Variants in MXI1 observed in about 807,000 individuals in gnomAD.
MXI1 encodes max-interacting protein 1.
A neutral mutation model predicts 36.9 loss-of-function variants in MXI1; 18 were observed. The observed-to-expected ratio is 0.49, with a 90% CI of 0.34 to 0.72. The LOEUF is 0.72. MXI1 is among the 30% of genes least tolerant of loss of function. MXI1 has a pLI of 0.01. For missense variants in MXI1, 304 were observed against 379.1 expected (o/e 0.80, Z 1.64); for synonymous variants, 160 against 146.7 (o/e 1.09, Z -0.65).
At chr10:110,264,622 C>T (rs1000871446) in intron 3 of MXI1, among the ~76,000 whole-genome samples, 9 of 152,102 alleles carry the variant, frequency 5.9e-5, no homozygotes, top group African/African-American at 2.2e-4. Context: ...CCTCAGCCTC[C>T]CAAAGTGCTG....
intron 1 of MXI1, among the ~76,000 whole-genome samples, chr10:110,214,832 G>C (rs1359400281): frequency 1.4e-5 from 2 of 138,470 alleles, no homozygotes; most frequent in African/African-American, 5.9e-5. Context: ...TTGTGGTTTT[G>C]TGGCTTTTGA....
In MXI1 at chr10:110,236,258, C is replaced by A. The variant is rs531797135; in HGVS notation, c.407+7937C>A. ...GGCACCTTTGTGAAAATCAGTTGAC[C>A]ACAGACTTGTGAGCCTTATTTCTGG... On this transcript the variant is annotated intron_variant, in intron 2 of 5. Transcript: ENST00000332674. Among the ~76,000 whole-genome samples the A allele has an allele frequency of 5.0e-4, 72 of 143,118 alleles. 1 individual carries two copies. In the South Asian group the frequency reaches 0.016, roughly 31 times the overall value. The allele number at this position is 143,118 out of a possible 152,430, so 93.9% of individuals were successfully genotyped here.
chr10:110,249,091 A>G (rs1855975224), intron 3 of MXI1, among the ~76,000 whole-genome samples: 1 of 152,144 alleles, frequency 6.6e-6, no homozygotes, highest in South Asian at 2.1e-4. Context: ...TTTTTATTTG[A>G]CGTGTTAAAC....
chr10:110,273,399 A>T (rs1856924018), intron 3 of MXI1, among the ~76,000 whole-genome samples: 1 of 152,120 alleles, frequency 6.6e-6, no homozygotes, highest in African/African-American at 2.4e-5. Context: ...GCAGAATATG[A>T]TCATACATGT....
In MXI1 at chr10:110,279,939, G is replaced by A. The variant is rs1564727213; in HGVS notation, c.578G>A (p.Ser193Asn). 6.2e-7 allele frequency: 1 copy of A among 1,608,104 alleles called. No homozygotes were observed. Among genetic ancestry groups the A allele is most frequent in the Non-Finnish European group, 8.5e-7 (1 of 1,178,272 alleles). The change falls in exon 5 of 6, where the codon AGC becomes AAC. Residue 193 changes from serine to asparagine, a missense_variant. Ser to Asn is a conservative substitution (Grantham distance 46, BLOSUM62 1). Transcript: ENST00000332674. ...AAACTTGAAGAAGCTGAAAGAAAAAGCCAGCACCAGCTCGAGAATTTGGAA... is the reference window on the plus strand; with the variant it reads ...AAACTTGAAGAAGCTGAAAGAAAAAACCAGCACCAGCTCGAGAATTTGGAA... The part of the protein sequence containing the change: ...IKKLEEAERK[S>N]QHQLENLERE...
rs1361459944 is a variant in MXI1 at position 110,211,880 on chromosome 10, A to T, written c.274+3798A>T. Among the ~76,000 whole-genome samples, 8 of 152,362 alleles carry T rather than the reference A, an allele frequency of 5.3e-5. No homozygotes were observed. In the East Asian group the frequency reaches 1.3e-3, roughly 26 times the overall value. ...TGAAGGCTGTGATCCTATTACCACA[A>T]ATTCAGAAATTATATGTAAATAATC... On this transcript the variant is annotated intron_variant, in intron 1 of 5. Coordinates refer to ENST00000332674, the MANE Select transcript of MXI1 (RefSeq NM_130439.3).
rs1855517331 is a variant in MXI1 at position 110,237,565 on chromosome 10, G to A, written c.408-7263G>A. Among the ~76,000 whole-genome samples the A allele has an allele frequency of 2.0e-5, 3 of 152,254 alleles. 1 individual carries two copies. The highest frequency in any genetic ancestry group is 2.0e-4 in the Admixed American group (3 of 15,288). Reference sequence around the variant, plus strand: ...TCATGTTGTATTTTGTACTGTTGCAGTACTGATACTAACAACACAGAGCTA... The same window carrying A: ...TCATGTTGTATTTTGTACTGTTGCAATACTGATACTAACAACACAGAGCTA... On this transcript the variant is annotated intron_variant, in intron 2 of 5. Coordinates refer to ENST00000332674, the MANE Select transcript of MXI1 (RefSeq NM_130439.3).
chr10:110,217,205 G>A (rs548634123), intron 1 of MXI1, among the ~76,000 whole-genome samples: 1 of 152,218 alleles, frequency 6.6e-6, no homozygotes, highest in South Asian at 2.1e-4. Context: ...TCCAACTCCA[G>A]TGTCTGTAAG....
Position 110,237,795 on chromosome 10 carries a change from G to C in MXI1, c.408-7033G>C, listed in dbSNP as rs1855524787. On this transcript the variant is annotated intron_variant, in intron 2 of 5. Coordinates refer to ENST00000332674, the MANE Select transcript of MXI1 (RefSeq NM_130439.3). ...AAGTGCTACACTTTGTCTGTGTTTA[G>C]AGACAGAGTCTCAACTGTCACCCGG... 2.0e-5 allele frequency among the ~76,000 whole-genome samples: 3 copies of C among 152,120 alleles called. No individual in the cohort carries two copies. The South Asian group carries it at 6.2e-4, about 31-fold the overall frequency.
chr10:110,221,759 A>G (rs1854812865), intron 1 of MXI1, among the ~76,000 whole-genome samples: 1 of 152,218 alleles, frequency 6.6e-6, no homozygotes, highest in South Asian at 2.1e-4. Context: ...TTAAAAAGCA[A>G]CAAACTTCCA....
At chr10:110,220,330 T>C (rs887149723) in intron 1 of MXI1, among the ~76,000 whole-genome samples, 2 of 152,376 alleles carry the variant, frequency 1.3e-5, no homozygotes. Flanking sequence ...TGTATTGTTC[T>C]AGGATCTAGG....
intron 3 of MXI1, among the ~76,000 whole-genome samples, chr10:110,266,677 G>C (rs1247671098): frequency 1.3e-5 from 2 of 152,064 alleles, no homozygotes; most frequent in Non-Finnish European, 2.9e-5. Context: ...GGCCCTATAT[G>C]ATGAAGAGCC....
intron 3 of MXI1, among the ~76,000 whole-genome samples, chr10:110,275,712 C>T (rs1173329113): frequency 1.3e-5 from 2 of 152,286 alleles, no homozygotes; most frequent in African/African-American, 4.8e-5. Flanking sequence ...CTCCAAATGC[C>T]TGTTTCATTT....
At chr10:110,224,019 A>G (rs145759887) in intron 1 of MXI1, among the ~76,000 whole-genome samples, 1 of 152,292 alleles carries the variant, frequency 6.6e-6, no homozygotes, top group East Asian at 1.9e-4. Flanking sequence ...AAAAGAAAAC[A>G]AAAGGTATGA....
intron 1 of MXI1, 55 bp downstream of exon 1, chr10:110,208,137 A>C (rs1166969768): frequency 6.5e-7 from 1 of 1,532,608 alleles, no homozygotes; most frequent in Non-Finnish European, 8.8e-7. Context: ...TTTCTCGCCC[A>C]CTTGGGCGAC....
chr10:110,259,558 G>T (rs974936123), intron 3 of MXI1, among the ~76,000 whole-genome samples: 1 of 152,006 alleles, frequency 6.6e-6, no homozygotes. Context: ...TTCATTTAAA[G>T]ATAATTTCTA....
intron 1 of MXI1, chr10:110,210,384 C>A: frequency 2.9e-6 from 2 of 682,658 alleles, no homozygotes; most frequent in Non-Finnish European, 3.6e-6. Flanking sequence ...GTATTTTTAG[C>A]TCTCTTGCTT....
chr10:110,249,327 T>G (rs1855984862), intron 3 of MXI1, among the ~76,000 whole-genome samples: 1 of 145,446 alleles, frequency 6.9e-6, no homozygotes, highest in Non-Finnish European at 1.5e-5. Context: ...CTTTTTAGCG[T>G]GGTTCTGAAA....
intron 5 of MXI1, among the ~76,000 whole-genome samples, chr10:110,283,020 A>G (rs1857311376): frequency 6.6e-6 from 1 of 151,896 alleles, no homozygotes; most frequent in South Asian, 2.1e-4. Flanking sequence ...GCTCTTTTGG[A>G]TAGTGTGCCT....
Sources: allele counts gnomAD v4.1 joint callset (sites outside exome capture counted in the v4.1 genomes callset), GRCh38; gene constraint gnomAD v4.1.1; transcripts MANE v1.5; gene names NCBI Gene and HGNC (gene_info 2026-07-23, HGNC 2026-07-21).